Variants in SLC36A1 observed in about 807,000 individuals in gnomAD.
SLC36A1 encodes proton-coupled amino acid transporter 1.
SLC36A1 carries 30 observed loss-of-function variants against 47.5 expected under a neutral mutation model. The ratio of observed to expected loss-of-function variants is 0.63; its 90% CI spans 0.47 to 0.86. The LOEUF is 0.86. SLC36A1 is among the 40% of genes least tolerant of loss of function. SLC36A1 has a pLI of 0.00. For synonymous variants in SLC36A1, 255 were observed against 249.7 expected, an observed-to-expected ratio of 1.02 and a Z score of -0.20; for missense variants, 517 against 606.0, an observed-to-expected ratio of 0.85 and a Z score of 1.54.
At chr5:151,369,266 C>T in the SLC36A1 span, among the ~76,000 whole-genome samples, 1 of 152,200 alleles carries the variant, frequency 6.6e-6, no homozygotes, top group East Asian at 1.9e-4. Flanking sequence ...CACAACCTCC[C>T]TTTGTAATTC....
At chr5:151,544,537 C>G in the SLC36A1 span, 10 of 1,613,926 alleles carry the variant, frequency 6.2e-6, no homozygotes, top group Non-Finnish European at 7.6e-6. Context: ...TCCCTCTGGA[C>G]TCCGGGCCTG....
chr5:151,467,633 C>A, intron 6 of SLC36A1, 74 bp from the exon 7 acceptor site: 1 of 1,297,574 alleles, frequency 7.7e-7, no homozygotes, highest in Non-Finnish European at 1.1e-6. Flanking sequence ...CCTCAGGAAC[C>A]TCTTCCAGCA....
the SLC36A1 span, among the ~76,000 whole-genome samples, chr5:151,499,034 GA>G: frequency 6.6e-6 from 1 of 152,334 alleles, no homozygotes; most frequent in African/African-American, 2.4e-5. Flanking sequence ...TTACGTATCT[GA>G]AATCTTTGGT....
intron 1 of SLC36A1, among the ~76,000 whole-genome samples, chr5:151,453,558 C>A (rs1389700131): frequency 6.6e-6 from 1 of 151,908 alleles, no homozygotes. Context: ...TTTGAACAAA[C>A]CCAGTCACTA....
the SLC36A1 span, among the ~76,000 whole-genome samples, chr5:151,353,193 T>C: frequency 6.6e-6 from 1 of 152,206 alleles, no homozygotes; most frequent in East Asian, 1.9e-4. Flanking sequence ...TATGTGTGTA[T>C]ATATATAATA....
At chr5:151,379,869 C>G in the SLC36A1 span, among the ~76,000 whole-genome samples, 2 of 151,894 alleles carry the variant, frequency 1.3e-5, no homozygotes, top group African/African-American at 4.8e-5. Flanking sequence ...ATGTGGCTAG[C>G]AACTATATTA....
At chr5:151,451,555 T>C (rs1297829076) in intron 1 of SLC36A1, among the ~76,000 whole-genome samples, 2 of 152,262 alleles carry the variant, frequency 1.3e-5, no homozygotes, top group African/African-American at 4.8e-5. Flanking sequence ...ACTTTCTCAC[T>C]TTCTGTCCTT....
the SLC36A1 span, among the ~76,000 whole-genome samples, chr5:151,520,757 A>G: frequency 6.6e-6 from 1 of 152,328 alleles, no homozygotes; most frequent in South Asian, 2.1e-4. Context: ...TAGGGTTTGA[A>G]CCTGAGCTGT....
At chr5:151,525,161 G>A in the SLC36A1 span, among the ~76,000 whole-genome samples, 1 of 152,182 alleles carries the variant, frequency 6.6e-6, no homozygotes. Flanking sequence ...CAGCCCATAA[G>A]TTTACAGAAT....
chr5:151,529,805 C>A, the SLC36A1 span, among the ~76,000 whole-genome samples: 2 of 152,260 alleles, frequency 1.3e-5, no homozygotes, highest in East Asian at 3.9e-4. Context: ...AAATGACAGA[C>A]CTCAGGGCAT....
At chr5:151,470,039 G>T (rs899174301) in intron 7 of SLC36A1, among the ~76,000 whole-genome samples, 1 of 152,150 alleles carries the variant, frequency 6.6e-6, no homozygotes, top group African/African-American at 2.4e-5. Flanking sequence ...ATGAGTGGCA[G>T]ATATTGACTC....
chr5:151,498,347 A>G, the SLC36A1 span, among the ~76,000 whole-genome samples: 1 of 152,198 alleles, frequency 6.6e-6, no homozygotes, highest in Non-Finnish European at 1.5e-5. Context: ...ATGGTAAAAT[A>G]TCTCTAACAT....
At chr5:151,446,986 A>G (rs1468977568), upstream of SLC36A1, among the ~76,000 whole-genome samples, 1 of 152,182 alleles carries the variant, frequency 6.6e-6, no homozygotes, top group Non-Finnish European at 1.5e-5. Flanking sequence ...TTCTTGATGA[A>G]TTGACCCCTT....
the SLC36A1 span, chr5:151,512,816 G>T: frequency 1.7e-6 from 1 of 583,216 alleles, no homozygotes; most frequent in Non-Finnish European, 3.0e-6. The surrounding 1 kb of genome is among the most constrained non-coding windows in gnomAD (Gnocchi z 4.1). Context: ...CCCATGGGAT[G>T]GTCTGGGTAG....
chr5:151,493,050 T>C (rs905105221), downstream of SLC36A1, among the ~76,000 whole-genome samples: 24 of 152,220 alleles, frequency 1.6e-4, no homozygotes, highest in Non-Finnish European at 2.9e-4. Flanking sequence ...CCTACTGGCT[T>C]TGTTTCTCTG....
At chr5:151,368,039 G>A in the SLC36A1 span, among the ~76,000 whole-genome samples, 1 of 152,258 alleles carries the variant, frequency 6.6e-6, no homozygotes, top group East Asian at 1.9e-4. Flanking sequence ...GTTTAACTAG[G>A]CCAAATTATA....
At chr5:151,435,285 G>A (rs967046), upstream of SLC36A1, among the ~76,000 whole-genome samples, 50,173 of 152,076 alleles carry the variant, frequency 0.33, 10,633 homozygotes, top group African/African-American at 0.61. Context: ...AAGCCACAAG[G>A]TACTGGAATG....
chr5:151,524,442 G>GAGC, the SLC36A1 span, among the ~76,000 whole-genome samples: 102,254 of 151,664 alleles, frequency 0.67, 34,860 homozygotes, highest in East Asian at 0.92. Flanking sequence ...AGGGCCATGT[G>GAGC]ATACAATGAG....
chr5:151,348,040 C>T, the SLC36A1 span, among the ~76,000 whole-genome samples: 2 of 152,186 alleles, frequency 1.3e-5, no homozygotes, highest in Admixed American at 1.3e-4. Context: ...GTTTCCATGT[C>T]TCACTGGCTC....
Sources: allele counts gnomAD v4.1 joint callset (sites outside exome capture counted in the v4.1 genomes callset), GRCh38; gene constraint gnomAD v4.1.1; non-coding constraint Gnocchi (gnomAD v3.1); transcripts MANE v1.5; gene names NCBI Gene and HGNC (gene_info 2026-07-23, HGNC 2026-07-21).